Variants in RANBP2 observed in about 807,000 individuals in gnomAD.
RANBP2 encodes E3 SUMO-protein ligase RanBP2.
In RANBP2, 57 loss-of-function variants were observed where a neutral mutation model predicts 303.6. The observed-to-expected ratio is 0.19, with a 90% CI of 0.15 to 0.23. The LOEUF (loss-of-function observed/expected upper bound fraction) is 0.23. Among genes scored for constraint, RANBP2 ranks in the 10% least tolerant of loss-of-function variants. The probability of loss-of-function intolerance (pLI) is 1.00; values close to 1 mark genes in which losing one functional copy is unlikely to be tolerated. For synonymous variants in RANBP2, 1,167 were observed against 1,301.5 expected, an observed-to-expected ratio of 0.90 and a Z score of 2.23; for missense variants, 3,138 against 3,780.8, an observed-to-expected ratio of 0.83 and a Z score of 4.46.
chr2:108,975,859 G>A, the RANBP2 span, among the ~76,000 whole-genome samples: 3 of 152,178 alleles, frequency 2.0e-5, no homozygotes, highest in East Asian at 3.9e-4. Context: ...GCTGGACGGC[G>A]TTCTGTGGAT....
At chr2:109,131,483 T>G in the RANBP2 span, among the ~76,000 whole-genome samples, 1 of 152,238 alleles carries the variant, frequency 6.6e-6, no homozygotes, top group South Asian at 2.1e-4. Context: ...TACCTTCTTC[T>G]GTTCTGATAA....
At chr2:108,849,591 G>A in the RANBP2 span, among the ~76,000 whole-genome samples, 1 of 151,982 alleles carries the variant, frequency 6.6e-6, no homozygotes, top group Non-Finnish European at 1.5e-5. Context: ...TGTTGTGAAC[G>A]ATTCTTTCTC....
the RANBP2 span, among the ~76,000 whole-genome samples, chr2:109,041,605 C>G: frequency 3.3e-5 from 5 of 150,400 alleles, no homozygotes; most frequent in South Asian, 1.1e-3. Context: ...TCACTGCAAC[C>G]TTTGCCTCTG....
the RANBP2 span, chr2:109,544,600 T>C: frequency 2.1e-5 from 20 of 964,930 alleles, no homozygotes; most frequent in African/African-American, 3.0e-4. Context: ...TTATCTTTCA[T>C]ATAGGGGAAA....
chr2:109,247,533 G>T, the RANBP2 span, among the ~76,000 whole-genome samples: 1 of 152,186 alleles, frequency 6.6e-6, no homozygotes, highest in Non-Finnish European at 1.5e-5. Context: ...TCACGTGTCA[G>T]TCCAGCCTGC....
the RANBP2 span, among the ~76,000 whole-genome samples, chr2:108,992,149 A>G: frequency 1.3e-5 from 2 of 152,136 alleles, no homozygotes; most frequent in Non-Finnish European, 2.9e-5. Flanking sequence ...CAGAAAGAAA[A>G]TCCTTGATAC....
Position 108,719,599 on chromosome 2 carries a change from G to T in RANBP2, c.-8G>T. The stretch of plus-strand genomic sequence containing the variant: ...CTCACGCGCCTCGGGAGCCAGGTTG[G>T]CGGCGCGATGAGGCGCAGCAAGGCT... On this transcript the variant is annotated 5_prime_UTR_variant, in exon 1 of 29. Transcript: ENST00000283195. 6.2e-7 allele frequency: 1 copy of T among 1,602,982 alleles called. No individual in the cohort carries two copies. Among genetic ancestry groups the T allele is most frequent in the South Asian group, 1.1e-5 (1 of 89,088 alleles).
the RANBP2 span, among the ~76,000 whole-genome samples, chr2:108,970,638 C>G: frequency 6.6e-6 from 1 of 152,222 alleles, no homozygotes; most frequent in South Asian, 2.1e-4. Context: ...GGGAATACTT[C>G]ACTTCCTTCC....
the RANBP2 span, among the ~76,000 whole-genome samples, chr2:109,547,417 A>G: frequency 1.3e-5 from 2 of 149,766 alleles, no homozygotes; most frequent in South Asian, 4.2e-4. Flanking sequence ...GGTCATTCCA[A>G]TAAGAACCTA....
chr2:109,526,603 C>T, the RANBP2 span, among the ~76,000 whole-genome samples: 9 of 152,188 alleles, frequency 5.9e-5, no homozygotes, highest in African/African-American at 1.7e-4. Context: ...TGAGCCACCA[C>T]GCCCGGCTCA....
chr2:108,901,958 G>A, the RANBP2 span, among the ~76,000 whole-genome samples: 1 of 151,786 alleles, frequency 6.6e-6, no homozygotes, highest in African/African-American at 2.4e-5. Context: ...CAAAAATTAG[G>A]GCTGGGCATG....
rs1558908353 is a variant in RANBP2 at position 108,755,087 on chromosome 2, A to G, written c.2382+3A>G. 6.2e-7 allele frequency: 1 copy of G among 1,611,970 alleles called. No individual in the cohort carries two copies. The highest frequency in any genetic ancestry group is 8.5e-7 in the Non-Finnish European group (1 of 1,179,846). ...TATCACCAAGTAAAAGTTACAAGGT[A>G]AACAGGAAAGAATGGAATCATTTCA... On this transcript the variant is annotated splice_donor_region_variant and intron_variant, in intron 16 of 28. Transcript: ENST00000283195.
chr2:109,049,899 T>A, the RANBP2 span, among the ~76,000 whole-genome samples: 5 of 152,222 alleles, frequency 3.3e-5, no homozygotes, highest in Non-Finnish European at 7.3e-5. Flanking sequence ...ACCATAGGGC[T>A]GACCGACACA....
At chr2:109,084,709 C>A in the RANBP2 span, among the ~76,000 whole-genome samples, 1 of 152,130 alleles carries the variant, frequency 6.6e-6, no homozygotes, top group South Asian at 2.1e-4. Context: ...ACACAAAGGG[C>A]GTTCCTCATC....
chr2:108,907,912 G>A, the RANBP2 span: 4 of 1,613,626 alleles, frequency 2.5e-6, no homozygotes, highest in South Asian at 1.1e-5. Flanking sequence ...GTGAACCAGC[G>A]ACAGCAGGCA....
the RANBP2 span, among the ~76,000 whole-genome samples, chr2:109,284,049 C>T: frequency 6.6e-6 from 1 of 152,146 alleles, no homozygotes; most frequent in Non-Finnish European, 1.5e-5. Context: ...GCTGCCTTCT[C>T]ACTTGCTGTC....
chr2:109,354,552 T>C, the RANBP2 span, among the ~76,000 whole-genome samples: 1 of 152,248 alleles, frequency 6.6e-6, no homozygotes, highest in Non-Finnish European at 1.5e-5. Flanking sequence ...CCAGAGCTGC[T>C]GAGGGAGCTC....
At chr2:109,185,641 G>A in the RANBP2 span, among the ~76,000 whole-genome samples, 24 of 152,286 alleles carry the variant, frequency 1.6e-4, no homozygotes, top group East Asian at 3.9e-3. Flanking sequence ...GGACAGGACA[G>A]CCCTCAGACA....
At chr2:109,728,579 C>T in the RANBP2 span, among the ~76,000 whole-genome samples, 5 of 151,260 alleles carry the variant, frequency 3.3e-5, no homozygotes, top group East Asian at 1.9e-4. Context: ...CCTTAGCCTC[C>T]CGAGTAGCAG....
Sources: allele counts gnomAD v4.1 joint callset (sites outside exome capture counted in the v4.1 genomes callset), GRCh38; gene constraint gnomAD v4.1.1; transcripts MANE v1.5; gene names NCBI Gene and HGNC (gene_info 2026-07-23, HGNC 2026-07-21).